Variants in CADPS observed in about 807,000 individuals in gnomAD.
The protein encoded by CADPS is calcium dependent secretion activator, also known as calcium-dependent secretion activator 1.
In CADPS, 57 loss-of-function variants were observed where a neutral mutation model predicts 167.3. The ratio of observed to expected loss-of-function variants is 0.34; its 90% CI spans 0.28 to 0.42. CADPS has a LOEUF of 0.42. Among genes scored for constraint, CADPS ranks in the 20% least tolerant of loss-of-function variants. The pLI, the probability that CADPS is intolerant of heterozygous loss-of-function variation, is 1.00. For missense variants in CADPS, 1,414 were observed against 1,738.1 expected, an observed-to-expected ratio of 0.81 and a Z score of 3.32; for synonymous variants, 676 against 635.3, an observed-to-expected ratio of 1.06 and a Z score of -0.96.
Position 62,434,058 on chromosome 3 carries a change from T to A in CADPS, c.3777+4046A>T, listed in dbSNP as rs896337130. Among the ~76,000 whole-genome samples the A allele has an allele frequency of 5.9e-5, 9 of 152,346 alleles. No individual in the cohort carries two copies. In the South Asian group the frequency reaches 1.0e-3, roughly 18 times the overall value. Reference sequence around the variant, plus strand: ...TTTCTTTGAATGTCAGCAATAATTTTCAAGAAGGCTAAGCTTCCACTTGAG... The same window carrying A: ...TTTCTTTGAATGTCAGCAATAATTTACAAGAAGGCTAAGCTTCCACTTGAG... On this transcript the variant is annotated intron_variant, in intron 28 of 29. Transcript: ENST00000383710.
Position 62,626,215 on chromosome 3 carries a change from C to T in CADPS, c.1325+19507G>A, listed in dbSNP as rs148120370. 2.2e-4 allele frequency: 52 copies of T among 240,664 alleles called. 1 individual carries two copies. The East Asian group carries it at 2.6e-3, about 12-fold the overall frequency. 14.9% of individuals were successfully genotyped at this position (240,664 alleles called of 1,614,324 possible). A position where few individuals can be genotyped will look rare whatever the true frequency, so the allele number is the denominator to read the frequency against. ...AACACGTTCACTTGACATTTCATTC[C>T]GGTCATTGAGAAGACAAAGCCAGCT... On this transcript the variant is annotated intron_variant, in intron 6 of 29. Transcript: ENST00000383710.
chr3:62,686,790 T>G (rs545454389), intron 3 of CADPS, among the ~76,000 whole-genome samples: 21 of 152,106 alleles, frequency 1.4e-4, no homozygotes, highest in Non-Finnish European at 2.1e-4. Flanking sequence ...AAAATGACCT[T>G]TTATTTAACA....
At chr3:62,633,293 C>T (rs2065655265) in intron 6 of CADPS, among the ~76,000 whole-genome samples, 1 of 152,192 alleles carries the variant, frequency 6.6e-6, no homozygotes, top group South Asian at 2.1e-4. Flanking sequence ...ACAGCCACAG[C>T]CTCCCAACTG....
At chr3:62,660,056 G>T (rs998179707) in intron 4 of CADPS, among the ~76,000 whole-genome samples, 1 of 152,146 alleles carries the variant, frequency 6.6e-6, no homozygotes, top group African/African-American at 2.4e-5. Flanking sequence ...ATATTTAGTG[G>T]TGGGGGTTGG....
chr3:62,655,595 C>T (rs57762139), intron 4 of CADPS, among the ~76,000 whole-genome samples: 1 of 152,194 alleles, frequency 6.6e-6, no homozygotes, highest in East Asian at 1.9e-4. Context: ...GCTGGCTTTT[C>T]TTTTCTGGTT....
At chr3:62,448,804 G>C (rs2057612899) in intron 26 of CADPS, among the ~76,000 whole-genome samples, 1 of 152,018 alleles carries the variant, frequency 6.6e-6, no homozygotes, top group Admixed American at 6.6e-5. Context: ...AGTAGAGATG[G>C]GGTTTCACCA....
At chr3:62,589,708 A>G (rs528195628) in intron 7 of CADPS, among the ~76,000 whole-genome samples, 1 of 152,302 alleles carries the variant, frequency 6.6e-6, no homozygotes, top group African/African-American at 2.4e-5. Context: ...TGGGTCCCTG[A>G]CTGGCTTGAT....
At chr3:62,461,524 C>T (rs2150302144) in intron 26 of CADPS, among the ~76,000 whole-genome samples, 1 of 152,298 alleles carries the variant, frequency 6.6e-6, no homozygotes, top group East Asian at 1.9e-4. Context: ...AGTCAAGTCT[C>T]CACCCCCAAC....
At chr3:62,714,611 A>C (rs1003990444) in intron 3 of CADPS, among the ~76,000 whole-genome samples, 2 of 152,188 alleles carry the variant, frequency 1.3e-5, no homozygotes, top group Non-Finnish European at 2.9e-5. Flanking sequence ...TTCAAAACAT[A>C]AGGTACTCAC....
chr3:62,696,869 G>T (rs1337728900), intron 3 of CADPS, among the ~76,000 whole-genome samples: 2 of 151,974 alleles, frequency 1.3e-5, no homozygotes, highest in Non-Finnish European at 2.9e-5. Flanking sequence ...CATATCTAGA[G>T]CACCCCTCCT....
At chr3:62,405,841 A>T (rs948470249) in intron 28 of CADPS, among the ~76,000 whole-genome samples, 1 of 152,224 alleles carries the variant, frequency 6.6e-6, no homozygotes, top group Non-Finnish European at 1.5e-5. Context: ...GCACTTTTGG[A>T]TGCAGCACAG....
At chr3:62,425,952 A>G (rs2052564191) in intron 28 of CADPS, among the ~76,000 whole-genome samples, 1 of 152,130 alleles carries the variant, frequency 6.6e-6, no homozygotes, top group Non-Finnish European at 1.5e-5. Flanking sequence ...CTTCCATCTC[A>G]CTGGGATATT....
chr3:62,531,937 G>C (rs1021847229), intron 13 of CADPS, among the ~76,000 whole-genome samples: 1 of 152,200 alleles, frequency 6.6e-6, no homozygotes, highest in East Asian at 1.9e-4. Context: ...AGAGTACTTA[G>C]TACAGAGTCA....
At chr3:62,464,979 G>C (rs1441690591) in intron 26 of CADPS, among the ~76,000 whole-genome samples, 3 of 152,114 alleles carry the variant, frequency 2.0e-5, no homozygotes, top group African/African-American at 2.4e-5. Flanking sequence ...ATATTTCCAG[G>C]ACTGAGTGCA....
At chr3:62,403,237 G>T in intron 28 of CADPS, 52 bp from the exon 29 acceptor site, 1 of 1,238,660 alleles carries the variant, frequency 8.1e-7, no homozygotes, top group Non-Finnish European at 1.2e-6. Context: ...AGCATTTATA[G>T]GGCAGAGAGA....
chr3:62,611,956 C>T (rs1421079015), intron 6 of CADPS, among the ~76,000 whole-genome samples: 3 of 152,204 alleles, frequency 2.0e-5, no homozygotes, highest in Admixed American at 6.5e-5. Flanking sequence ...TCTCCCCCAA[C>T]TAGAAGCCAA....
At chr3:62,726,956 C>T (rs759136272) in intron 3 of CADPS, among the ~76,000 whole-genome samples, 49 of 151,924 alleles carry the variant, frequency 3.2e-4, no homozygotes, top group Non-Finnish European at 4.9e-4. Context: ...TAAGATCACA[C>T]GGGTAAGGTG....
intron 6 of CADPS, among the ~76,000 whole-genome samples, chr3:62,613,884 T>C (rs2061859791): frequency 6.6e-6 from 1 of 152,110 alleles, no homozygotes; most frequent in African/African-American, 2.4e-5. Flanking sequence ...GTGGGATTTA[T>C]CTGGGAGATG....
chr3:62,610,925 A>T (rs1414510205), intron 6 of CADPS, among the ~76,000 whole-genome samples: 1 of 151,562 alleles, frequency 6.6e-6, no homozygotes, highest in African/African-American at 2.4e-5. Context: ...ATACATTTGC[A>T]GTGTCTAGAG....
Sources: gnomAD v4.1 joint callset for allele counts (sites outside exome capture counted in the v4.1 genomes callset) on GRCh38, gnomAD v4.1.1 for gene constraint, MANE v1.5 for transcripts, NCBI Gene and HGNC (gene_info 2026-07-23, HGNC 2026-07-21) for gene names.